The following NDUFA5 variants were observed in gnomAD, a reference collection of about 807,000 sequenced individuals.
NDUFA5 encodes NADH dehydrogenase [ubiquinone] 1 alpha subcomplex subunit 5.
Under a neutral mutation model 19.8 loss-of-function variants are expected in NDUFA5, and 11 were observed. The observed-to-expected ratio is 0.56, with a 90% CI of 0.35 to 0.92. The LOEUF (loss-of-function observed/expected upper bound fraction) is 0.92, where lower values mean the gene tolerates loss of function less well. NDUFA5 is among the 40% of genes least tolerant of loss of function. The pLI is 0.01. For synonymous variants in NDUFA5, 47 were observed against 46.8 expected (o/e 1.00, Z -0.01); for missense variants, 109 against 134.2 (o/e 0.81, Z 0.93).
At chr7:123,568,429 A>C in the NDUFA5 span, among the ~76,000 whole-genome samples, 3 of 151,878 alleles carry the variant, frequency 2.0e-5, no homozygotes, top group Admixed American at 2.0e-4. Flanking sequence ...CTGAGACAGG[A>C]GAATTGCTTG....
the NDUFA5 span, among the ~76,000 whole-genome samples, chr7:123,585,317 A>G: frequency 6.6e-6 from 1 of 151,716 alleles, no homozygotes; most frequent in Non-Finnish European, 1.5e-5. Context: ...AAGCAAATTT[A>G]TCCAAGCAGA....
intron 2 of NDUFA5, among the ~76,000 whole-genome samples, chr7:123,553,713 T>G (rs1798439220): frequency 6.6e-6 from 1 of 152,158 alleles, no homozygotes; most frequent in Non-Finnish European, 1.5e-5. Flanking sequence ...ACTCCTTAGG[T>G]GCACTGGACA....
chr7:123,550,015 T>C (rs1026944314), intron 3 of NDUFA5: 1 of 157,082 alleles, frequency 6.4e-6, no homozygotes, highest in Non-Finnish European at 1.4e-5. Flanking sequence ...TAGTACAATA[T>C]AGTTTGGTAT....
the NDUFA5 span, among the ~76,000 whole-genome samples, chr7:123,587,519 T>C: frequency 1.3e-5 from 2 of 151,738 alleles, no homozygotes; most frequent in South Asian, 2.1e-4. Flanking sequence ...TCCTTTTCTA[T>C]TTGGATGCCT....
chr7:123,590,533 A>C, the NDUFA5 span, among the ~76,000 whole-genome samples: 3 of 152,168 alleles, frequency 2.0e-5, no homozygotes, highest in Admixed American at 6.5e-5. Context: ...TCAGCTTTCT[A>C]CATATGGCTA....
At chr7:123,585,124 G>A in the NDUFA5 span, 1 of 151,842 alleles carries the variant, frequency 6.6e-6, no homozygotes, top group Admixed American at 6.6e-5. Context: ...GTATGTGTTA[G>A]CATTTCCATG....
chr7:123,584,329 A>G, the NDUFA5 span, among the ~76,000 whole-genome samples: 1 of 140,544 alleles, frequency 7.1e-6, no homozygotes, highest in African/African-American at 2.6e-5. Context: ...AAAAAAAAAA[A>G]GTAAGAGAAA....
upstream of NDUFA5, among the ~76,000 whole-genome samples, chr7:123,558,776 A>C (rs1584707623): frequency 6.6e-6 from 1 of 152,188 alleles, no homozygotes; most frequent in African/African-American, 2.4e-5. Flanking sequence ...CAAAATTTGA[A>C]TTTTACTTTT....
At chr7:123,545,759 A>G in intron 3 of NDUFA5, 83 bp from the exon 4 acceptor site, 2 of 853,566 alleles carry the variant, frequency 2.3e-6, no homozygotes, top group Non-Finnish European at 1.8e-6. Context: ...ATTCCTATAT[A>G]AAAACACTTA....
chr7:123,572,874 T>C, the NDUFA5 span, among the ~76,000 whole-genome samples: 2 of 152,148 alleles, frequency 1.3e-5, no homozygotes, highest in Non-Finnish European at 2.9e-5. Flanking sequence ...TATACCCTTA[T>C]TTTATGCTAT....
At chr7:123,557,561 T>TAAA in intron 1 of NDUFA5, 113 bp from the exon 2 acceptor site, 2 of 1,612,026 alleles carry the variant, frequency 1.2e-6, no homozygotes, top group Non-Finnish European at 1.7e-6. Context: ...TAAAGCCAGC[T>TAAA]ACTGGTCTCT....
chr7:123,580,151 A>G, the NDUFA5 span, among the ~76,000 whole-genome samples: 3 of 152,126 alleles, frequency 2.0e-5, no homozygotes, highest in African/African-American at 4.8e-5. Context: ...ACTGAAGGAA[A>G]TGGGGGAGTG....
At chr7:123,557,282 T>C in intron 2 of NDUFA5, 122 bp downstream of exon 2, 8 of 1,382,908 alleles carry the variant, frequency 5.8e-6, no homozygotes, top group Non-Finnish European at 8.1e-6. Context: ...TCTCAAGAGC[T>C]CACGCGGCTT....
intron 3 of NDUFA5, chr7:123,550,100 A>C (rs923894235): frequency 1.7e-5 from 3 of 178,698 alleles, no homozygotes; most frequent in African/African-American, 7.2e-5. Flanking sequence ...CTTTGAAAAA[A>C]AAATGCCCTT....
At chr7:123,544,117 ATATT>A (rs1562892186) in intron 4 of NDUFA5, among the ~76,000 whole-genome samples, 1 of 152,214 alleles carries the variant, frequency 6.6e-6, no homozygotes, top group Non-Finnish European at 1.5e-5. Flanking sequence ...AAACAATTGA[ATATT>A]TATCAGACAC....
rs75823452 is a variant in NDUFA5 at position 123,542,785 on chromosome 7, A to C, written c.250-565T>G. Among the ~76,000 whole-genome samples, 17 of 152,314 alleles carry C rather than the reference A, an allele frequency of 1.1e-4. No individual in the cohort carries two copies. The East Asian group carries it at 3.3e-3, about 29-fold the overall frequency. ...ATCTATGGAATGTAGAACACAATAC[A>C]TGTATAATTAATATTTACTAACTGA... On this transcript the variant is annotated intron_variant, in intron 4 of 4. Coordinates refer to ENST00000355749, the MANE Select transcript of NDUFA5 (RefSeq NM_005000.5).
chr7:123,567,924 G>A, the NDUFA5 span, among the ~76,000 whole-genome samples: 1 of 151,682 alleles, frequency 6.6e-6, no homozygotes, highest in Non-Finnish European at 1.5e-5. Flanking sequence ...ATCCATATCA[G>A]GTATGTTCAA....
In NDUFA5 at chr7:123,550,519, C is replaced by G; in HGVS notation, c.134G>C (p.Arg45Thr). ...LEEIPKNAAY[R>T]KYTEQITNEK... ...ATTTGTAATCTGTTCTGTATACTTT[C>G]TATATGCTGCATTTTTAGGGATTTC... Residue 45 changes from arginine to threonine, a missense_variant, in exon 3 of 5, where the codon AGA becomes ACA. Coordinates refer to ENST00000355749, the MANE Select transcript of NDUFA5 (RefSeq NM_005000.5). 6.2e-7 allele frequency: 1 copy of G among 1,611,218 alleles called. No individual in the cohort carries two copies. Among genetic ancestry groups the G allele is most frequent in the Admixed American group, 1.7e-5 (1 of 59,852 alleles).
chr7:123,570,191 T>C, the NDUFA5 span, among the ~76,000 whole-genome samples: 2 of 151,890 alleles, frequency 1.3e-5, no homozygotes, highest in African/African-American at 4.8e-5. Context: ...CCCGCCACCA[T>C]GCCCAGCTAA....
Sources: gnomAD v4.1 joint callset for allele counts (sites outside exome capture counted in the v4.1 genomes callset) on GRCh38, gnomAD v4.1.1 for gene constraint, MANE v1.5 for transcripts, NCBI Gene and HGNC (gene_info 2026-07-23, HGNC 2026-07-21) for gene names.